AKAP13: variants seen among roughly 807,000 people sequenced by gnomAD.
The protein encoded by AKAP13 is A-kinase anchor protein 13.
Under a neutral mutation model 264.5 loss-of-function variants are expected in AKAP13, and 80 were observed. The ratio of observed to expected loss-of-function variants is 0.30; its 90% confidence interval spans 0.25 to 0.36. AKAP13 has a LOEUF of 0.36. AKAP13 is among the 10% of genes least tolerant of loss of function. The pLI is 1.00. For synonymous variants in AKAP13, 1,380 were observed against 1,250.2 expected (o/e 1.10, Z -2.19); for missense variants, 3,712 against 3,435.2 (o/e 1.08, Z -2.01).
intron 1 of AKAP13, among the ~76,000 whole-genome samples, chr15:85,477,376 T>C (rs980676759): frequency 6.6e-6 from 1 of 151,720 alleles, no homozygotes; most frequent in African/African-American, 2.4e-5. Flanking sequence ...ACCTGTAAGT[T>C]CTTGTAATTT....
At chr15:85,549,621 A>T (rs762771834) in intron 5 of AKAP13, among the ~76,000 whole-genome samples, 1 of 152,208 alleles carries the variant, frequency 6.6e-6, no homozygotes, top group Non-Finnish European at 1.5e-5. Flanking sequence ...GTCCAAGGCT[A>T]TATAGAAAAT....
rs1435989560 is a variant in AKAP13 at position 85,735,672 on chromosome 15, T to C, written c.7512+42T>C. On this transcript the variant is annotated intron_variant, in intron 32 of 36. Transcript: ENST00000394518. ...TACACCATGAACCTCCTTGGCACTTTCCTCTGAATTCATAACCTTTGAAAT... is the reference window on the plus strand; with the variant it reads ...TACACCATGAACCTCCTTGGCACTTCCCTCTGAATTCATAACCTTTGAAAT... 3.2e-6 allele frequency: 5 copies of C among 1,546,676 alleles called. No individual in the cohort carries two copies. The South Asian group carries it at 5.9e-5, about 18-fold the overall frequency.
chr15:85,434,462 G>A (rs1176142068), intron 1 of AKAP13, among the ~76,000 whole-genome samples: 6 of 152,196 alleles, frequency 3.9e-5, no homozygotes, highest in Non-Finnish European at 8.8e-5. Flanking sequence ...ACTGGGTGGA[G>A]CCCACCACAG....
intron 2 of AKAP13, among the ~76,000 whole-genome samples, chr15:85,511,447 C>T (rs2076416554): frequency 6.6e-6 from 1 of 152,148 alleles, no homozygotes. Context: ...AGAATAAGTA[C>T]AAATATCTAT....
chr15:85,546,326 AC>A (rs1437309500), intron 5 of AKAP13, among the ~76,000 whole-genome samples: 16 of 115,784 alleles, frequency 1.4e-4, no homozygotes, highest in African/African-American at 6.2e-4. Flanking sequence ...TACCAAACAC[AC>A]ACACACACAC....
At chr15:85,627,564 C>T (rs1054439552) in intron 8 of AKAP13, 1 of 152,154 alleles carries the variant, frequency 6.6e-6, no homozygotes, top group Non-Finnish European at 1.5e-5. Context: ...TTTTTACTAC[C>T]TTTCTTATAT....
rs143337062 is a variant in AKAP13, at chr15:85,612,902, A to G, written c.4162-26472A>G. Among the ~76,000 whole-genome samples, 65 of 152,192 alleles carry G rather than the reference A, an allele frequency of 4.3e-4. No individual in the cohort carries two copies. In the East Asian group the frequency reaches 0.012, roughly 28 times the overall value. Reference sequence around the variant, plus strand: ...TTCTTACCTTAATGCCTTAAAAGGGATGCTATTATTTATAGTAATTTTACT... The same window carrying G: ...TTCTTACCTTAATGCCTTAAAAGGGGTGCTATTATTTATAGTAATTTTACT... On this transcript the variant is annotated intron_variant, in intron 8 of 36. Transcript: ENST00000394518.
At chr15:85,550,427 A>G (rs1250171448) in intron 5 of AKAP13, among the ~76,000 whole-genome samples, 2 of 152,188 alleles carry the variant, frequency 1.3e-5, no homozygotes, top group African/African-American at 4.8e-5. Context: ...GCCCCTCTCA[A>G]AGGGTTTGTG....
intron 8 of AKAP13, among the ~76,000 whole-genome samples, chr15:85,598,652 G>C (rs2079924078): frequency 6.6e-6 from 1 of 152,146 alleles, no homozygotes; most frequent in South Asian, 2.1e-4. Context: ...GGGATGCCAT[G>C]GTGGGTAAAA....
chr15:85,519,885 T>A (rs2076751452), intron 2 of AKAP13, among the ~76,000 whole-genome samples: 2 of 152,170 alleles, frequency 1.3e-5, no homozygotes, highest in South Asian at 4.1e-4. Context: ...GTGGTATGTT[T>A]CTCTTGTTGG....
At chr15:85,635,230 A>G (rs1381220670) in intron 8 of AKAP13, 1 of 396,426 alleles carries the variant, frequency 2.5e-6, no homozygotes, top group Non-Finnish European at 4.4e-6. Context: ...AACATTTGGT[A>G]TTATCAGTCT....
At chr15:85,532,421 C>G (rs1368824610) in intron 3 of AKAP13, among the ~76,000 whole-genome samples, 1 of 152,228 alleles carries the variant, frequency 6.6e-6, no homozygotes, top group Non-Finnish European at 1.5e-5. Context: ...CCTCCATGCC[C>G]TTAGCTGTAG....
chr15:85,437,389 A>G (rs2073361562), intron 1 of AKAP13, among the ~76,000 whole-genome samples: 4 of 152,184 alleles, frequency 2.6e-5, no homozygotes, highest in East Asian at 1.9e-4. Flanking sequence ...TCTACCAGAG[A>G]CACAAGGAGG....
At chr15:85,442,572 A>T (rs1363758715) in intron 1 of AKAP13, among the ~76,000 whole-genome samples, 4 of 140,064 alleles carry the variant, frequency 2.9e-5, no homozygotes, top group Non-Finnish European at 4.6e-5. Flanking sequence ...CATGAGAATG[A>T]TGAAACTCTT....
At chr15:85,519,152 T>A (rs894142694) in intron 2 of AKAP13, among the ~76,000 whole-genome samples, 3 of 152,190 alleles carry the variant, frequency 2.0e-5, no homozygotes, top group Non-Finnish European at 4.4e-5. Flanking sequence ...GTGGGCTAAG[T>A]TCTCACGTAA....
At chr15:85,424,628 C>G (rs2072684960) in intron 1 of AKAP13, among the ~76,000 whole-genome samples, 1 of 152,226 alleles carries the variant, frequency 6.6e-6, no homozygotes, top group South Asian at 2.1e-4. Flanking sequence ...TATGTGCTCA[C>G]TGGAATAACA....
Position 85,747,930 on chromosome 15 carries a change from C to CA in AKAP13, c.*3256dup, listed in dbSNP as rs1004845717. On this transcript the variant is annotated 3_prime_UTR_variant, in exon 37 of 37. Transcript: ENST00000394518. ...GAGGCCTCAGTATTAGTCGTGAGCA[C>CA]AAAGTTTTGAGACCTTTGGCGTTGT... is the stretch of plus-strand genomic sequence containing the variant. 1 of 153,110 alleles carries CA rather than the reference C, an allele frequency of 6.5e-6. No homozygotes were observed. The highest frequency in any genetic ancestry group is 2.4e-5 in the African/African-American group (1 of 41,404). The allele number at this position is 153,110 out of a possible 1,614,324, so 9.5% of individuals were successfully genotyped here. A position where few individuals can be genotyped will look rare whatever the true frequency, so the allele number is the denominator to read the frequency against.
intron 5 of AKAP13, among the ~76,000 whole-genome samples, chr15:85,574,516 TTTTAAC>T (rs1366727756): frequency 6.6e-6 from 1 of 152,260 alleles, no homozygotes; most frequent in Non-Finnish European, 1.5e-5. Context: ...ATTTTACGAA[TTTTAAC>T]TTTAAGTTCT....
chr15:85,529,904 A>G (rs1332554218), intron 3 of AKAP13, among the ~76,000 whole-genome samples: 2 of 152,222 alleles, frequency 1.3e-5, no homozygotes, highest in Admixed American at 6.5e-5. Flanking sequence ...GATTTATGGC[A>G]TATTTTACTT....
Sources: gnomAD v4.1 joint callset for allele counts (sites outside exome capture counted in the v4.1 genomes callset) on GRCh38, gnomAD v4.1.1 for gene constraint, MANE v1.5 for transcripts, NCBI Gene and HGNC (gene_info 2026-07-23, HGNC 2026-07-21) for gene names.